CFAP47: variants seen among roughly 807,000 people sequenced by gnomAD.
The protein encoded by CFAP47 is cilia- and flagella-associated protein 47.
Under a neutral mutation model 148.1 loss-of-function variants are expected in CFAP47, and 29 were observed. The ratio of observed to expected loss-of-function variants is 0.20; its 90% CI spans 0.15 to 0.27. The LOEUF (loss-of-function observed/expected upper bound fraction) is 0.27. Ranked by LOEUF, CFAP47 falls within the 10% of genes least tolerant of loss-of-function variation. CFAP47 has a pLI of 1.00. For synonymous variants in CFAP47, 664 were observed against 577.3 expected, an observed-to-expected ratio of 1.15 and a Z score of -2.15; for missense variants, 1,872 against 1,697.5, an observed-to-expected ratio of 1.10 and a Z score of -1.81.
In CFAP47 at chrX:36,290,642, A is replaced by G. The variant is rs781867873; in HGVS notation, c.7686+4916A>G. On this transcript the variant is annotated intron_variant, in intron 51 of 63. Coordinates refer to ENST00000378653, the MANE Select transcript of CFAP47 (RefSeq NM_001304548.2). ...AGATGGAGGGAATTTGGTCCTTACC[A>G]TCTTGTCCTGACATCAGCAATATAA... Among the ~76,000 whole-genome samples the G allele has an allele frequency of 1.6e-3, 174 of 112,225 alleles. 1 individual carries two copies. The highest frequency in any genetic ancestry group is 2.7e-3 in the Non-Finnish European group (145 of 53,271).
intron 1 of CFAP47, among the ~76,000 whole-genome samples, chrX:35,922,337 G>T (rs1043421032): frequency 4.5e-5 from 5 of 112,123 alleles, no homozygotes; most frequent in Admixed American, 1.9e-4. Context: ...ATTCCTTATA[G>T]TTTGAATTTG....
intron 19 of CFAP47, 97 bp from the exon 20 acceptor site, chrX:36,000,186 G>A (rs1423745745): frequency 7.7e-6 from 2 of 260,288 alleles, no homozygotes; most frequent in South Asian, 2.5e-4. Flanking sequence ...CTGCTTTGTA[G>A]TTAATAATTT....
intron 33 of CFAP47, among the ~76,000 whole-genome samples, chrX:36,130,726 A>G (rs1851718930): frequency 9.0e-6 from 1 of 111,285 alleles, no homozygotes; most frequent in Non-Finnish European, 1.9e-5. Flanking sequence ...CATACACACA[A>G]TGGGGTACTA....
Position 36,099,854 on chromosome X carries a change from C to A in CFAP47, c.5102C>A (p.Thr1701Lys). Residue 1701 changes from threonine (T) to lysine (K), a missense_variant, in exon 32 of 64, where the codon ACA becomes AAA. Coordinates refer to ENST00000378653, the MANE Select transcript of CFAP47 (RefSeq NM_001304548.2). ...GAAGCCTGGAGTAAACGGGCATGGA[C>A]AGATGTATTTCTACAGATATACAAG... ...KFEAWSKRAWTDVFLQIYKVL... is the reference protein window; with the variant it reads ...KFEAWSKRAWKDVFLQIYKVL... The A allele has an allele frequency of 1.0e-6, 1 of 985,892 alleles. No individual in the cohort carries two copies. The highest frequency in any genetic ancestry group is 1.4e-6 in the Non-Finnish European group (1 of 694,185). 81.2% of individuals were successfully genotyped at this position (985,892 alleles called of 1,213,427 possible).
At chrX:36,027,372 T>C (rs1045306487) in intron 22 of CFAP47, among the ~76,000 whole-genome samples, 1 of 109,178 alleles carries the variant, frequency 9.2e-6, no homozygotes, top group African/African-American at 3.3e-5. Flanking sequence ...CCAATGTCTA[T>C]TACTCCATGG....
intron 15 of CFAP47, among the ~76,000 whole-genome samples, chrX:35,986,979 C>T (rs1470403280): frequency 1.8e-5 from 2 of 111,587 alleles, no homozygotes; most frequent in South Asian, 3.8e-4. Flanking sequence ...CCTCTGGCAG[C>T]TTTGTCCCAG....
intron 33 of CFAP47, among the ~76,000 whole-genome samples, chrX:36,119,731 T>C (rs1938705903): frequency 9.0e-6 from 1 of 111,639 alleles, no homozygotes; most frequent in Non-Finnish European, 1.9e-5. Flanking sequence ...GCTTCATTCA[T>C]GTTACTTGTT....
Position 36,039,153 on chromosome X carries a change from C to G in CFAP47, c.3981C>G (p.Ile1327Met), listed in dbSNP as rs988516472. ...TGGATATAACAACTGTAATGGATAT[C>G]AACATTTTACCTCAAAACTATTTCA... ...VPLDITTVMD[I>M]NILPQNYFRN... is the part of the protein sequence containing the mutation. Residue 1327 changes from isoleucine to methionine, a missense_variant, in exon 25 of 64, where the codon ATC (isoleucine) becomes ATG (methionine). Ile to Met is a conservative substitution (Grantham distance 10). Transcript: ENST00000378653. The G allele has an allele frequency of 1.7e-5, 18 of 1,063,599 alleles. No individual in the cohort carries two copies. The highest frequency in any genetic ancestry group is 2.3e-5 in the Non-Finnish European group (18 of 797,883). The allele number at this position is 1,063,599 out of a possible 1,213,427, so 87.7% of individuals were successfully genotyped here. A position where few individuals can be genotyped will look rare whatever the true frequency, so the allele number is the denominator to read the frequency against.
chrX:36,320,932 A>G (rs185183872), intron 57 of CFAP47, among the ~76,000 whole-genome samples: 120 of 111,279 alleles, frequency 1.1e-3, no homozygotes, highest in African/African-American at 3.9e-3. Flanking sequence ...GTTGGTTGCA[A>G]TGTAAAGTAG....
chrX:36,062,297 A>G (rs1601954615), intron 26 of CFAP47, among the ~76,000 whole-genome samples: 1 of 111,554 alleles, frequency 9.0e-6, no homozygotes, highest in African/African-American at 3.2e-5. Flanking sequence ...TGCTAATGGG[A>G]AGTGCTAAAA....
At chrX:36,256,125 A>T (rs1462073127) in intron 49 of CFAP47, among the ~76,000 whole-genome samples, 1 of 112,199 alleles carries the variant, frequency 8.9e-6, no homozygotes, top group Non-Finnish European at 1.9e-5. Flanking sequence ...TCATTATTAC[A>T]GGATTAGTGT....
chrX:36,048,455 T>A (rs6629033), intron 26 of CFAP47, among the ~76,000 whole-genome samples: 10,619 of 111,577 alleles, frequency 0.095, 499 homozygotes, highest in East Asian at 0.3. Flanking sequence ...TGCTTTCTTT[T>A]ACTTTGTAAG....
chrX:36,230,430 G>C (rs1417036006), intron 46 of CFAP47, among the ~76,000 whole-genome samples: 3 of 108,704 alleles, frequency 2.8e-5, no homozygotes, highest in African/African-American at 1.0e-4. Flanking sequence ...GTCTGTTCAC[G>C]TCCTTCACCC....
chrX:36,317,102 C>A (rs782115313), intron 56 of CFAP47, among the ~76,000 whole-genome samples: 97 of 111,856 alleles, frequency 8.7e-4, no homozygotes, highest in African/African-American at 2.9e-3. Context: ...TGTTGGAATT[C>A]ACATGGTAGA....
chrX:36,266,453 C>G (rs1556001057), intron 49 of CFAP47, among the ~76,000 whole-genome samples: 1 of 110,979 alleles, frequency 9.0e-6, no homozygotes, highest in Non-Finnish European at 1.9e-5. Context: ...CTGGCAGGGG[C>G]ACTGTGGGTG....
intron 2 of CFAP47, among the ~76,000 whole-genome samples, chrX:35,931,323 A>G (rs914991247): frequency 9.0e-6 from 1 of 111,037 alleles, no homozygotes; most frequent in Non-Finnish European, 1.9e-5. Context: ...TCTAGTAGAT[A>G]TTAATGTAGC....
intron 48 of CFAP47, among the ~76,000 whole-genome samples, chrX:36,247,474 T>C: frequency 9.0e-6 from 1 of 110,901 alleles, no homozygotes; most frequent in East Asian, 2.8e-4. Context: ...TATAAATATC[T>C]TGGCAGGCTT....
At chrX:35,959,914 T>A (rs1936301381) in intron 8 of CFAP47, among the ~76,000 whole-genome samples, 1 of 109,401 alleles carries the variant, frequency 9.1e-6, no homozygotes, top group East Asian at 2.8e-4. Context: ...ATTTGTTATT[T>A]TTTGTAAATG....
chrX:36,134,830 A>G (rs987946109), intron 33 of CFAP47, among the ~76,000 whole-genome samples: 1 of 111,117 alleles, frequency 9.0e-6, no homozygotes, highest in African/African-American at 3.3e-5. Flanking sequence ...ATATTCCACA[A>G]ATTTCTTGTA....
Sources: allele counts gnomAD v4.1 joint callset (sites outside exome capture counted in the v4.1 genomes callset), GRCh38; gene constraint gnomAD v4.1.1; transcripts MANE v1.5; gene names NCBI Gene and HGNC (gene_info 2026-07-23, HGNC 2026-07-21).